Variants in ANAPC1 observed in about 807,000 individuals in gnomAD.
The protein encoded by ANAPC1 is anaphase-promoting complex subunit 1.
ANAPC1 carries 36 observed loss-of-function variants against 208.0 expected under a neutral mutation model. The observed-to-expected ratio is 0.17, with a 90% CI of 0.13 to 0.23. The LOEUF (loss-of-function observed/expected upper bound fraction) is 0.23. ANAPC1 is among the 10% of genes least tolerant of loss of function. The pLI, the probability that ANAPC1 is intolerant of heterozygous loss-of-function variation, is 1.00. For missense variants in ANAPC1, 942 were observed against 2,011.6 expected, an observed-to-expected ratio of 0.47 and a Z score of 10.17; for synonymous variants, 378 against 695.2, an observed-to-expected ratio of 0.54 and a Z score of 7.18.
In ANAPC1 at chr2:111,792,436, C is replaced by T. The variant is rs534987123; in HGVS notation, c.4638G>A (p.Thr1546=). The T allele has an allele frequency of 1.2e-5, 19 of 1,612,168 alleles. No homozygotes were observed. The highest frequency in any genetic ancestry group is 1.6e-4 in the Middle Eastern group (1 of 6,078). The change falls in exon 38 of 48, where the codon ACG becomes ACA. Residue 1546 remains threonine, a synonymous_variant. Coordinates refer to ENST00000341068, the MANE Select transcript of ANAPC1 (RefSeq NM_022662.4). ...GAAAACCATAGTTCATTTCACCACCCGTTTTCATGTGTAAGAAGCGACAAA... is the reference window on the plus strand; with the variant it reads ...GAAAACCATAGTTCATTTCACCACCTGTTTTCATGTGTAAGAAGCGACAAA... ...LQLCRFLHMK[T]GGEMNYGFHL...
intron 47 of ANAPC1, 102 bp downstream of exon 47, chr2:111,772,239 A>G: frequency 3.5e-6 from 5 of 1,422,538 alleles, no homozygotes. Flanking sequence ...TGCAACATTA[A>G]TGAAGAGGAA....
chr2:111,872,355 T>C (rs1682799100), intron 6 of ANAPC1, among the ~76,000 whole-genome samples: 2 of 152,224 alleles, frequency 1.3e-5, no homozygotes, highest in South Asian at 4.1e-4. Flanking sequence ...ATCTTTTTGA[T>C]GACAGCAACC....
intron 6 of ANAPC1, among the ~76,000 whole-genome samples, chr2:111,871,253 C>A (rs945676548): frequency 6.6e-6 from 1 of 151,972 alleles, no homozygotes; most frequent in Non-Finnish European, 1.5e-5. Flanking sequence ...ATGGTGAAAT[C>A]TATAGATTGC....
chr2:111,873,230 T>C, intron 5 of ANAPC1, 78 bp downstream of exon 5: 3 of 1,340,070 alleles, frequency 2.2e-6, no homozygotes, highest in South Asian at 3.3e-5. Context: ...ACATGAGACA[T>C]AAGACATGCC....
chr2:111,804,506 C>CTTT (rs1183612859), intron 30 of ANAPC1, among the ~76,000 whole-genome samples: 3 of 77,964 alleles, frequency 3.8e-5, no homozygotes, highest in African/African-American at 1.4e-4. Flanking sequence ...TGATTCTTTT[C>CTTT]TTTTTTTTTT....
intron 6 of ANAPC1, among the ~76,000 whole-genome samples, chr2:111,871,996 C>G (rs1221669618): frequency 6.6e-6 from 1 of 152,104 alleles, no homozygotes; most frequent in East Asian, 1.9e-4. Flanking sequence ...TTTCACTTGC[C>G]TGATTGCTCT....
intron 33 of ANAPC1, among the ~76,000 whole-genome samples, chr2:111,801,841 G>A (rs561003954): frequency 6.6e-6 from 1 of 150,912 alleles, no homozygotes; most frequent in East Asian, 2.0e-4. Flanking sequence ...AAATCACAAA[G>A]GAAAGAATCA....
chr2:111,792,059 TAGTGG>T (rs1203232272), intron 38 of ANAPC1, among the ~76,000 whole-genome samples: 2 of 152,074 alleles, frequency 1.3e-5, no homozygotes, highest in African/African-American at 2.4e-5. Context: ...GAAAGTAGCT[TAGTGG>T]AATGGTAAAA....
At chr2:111,789,180 C>T (rs914132875) in intron 38 of ANAPC1, among the ~76,000 whole-genome samples, 43 of 152,104 alleles carry the variant, frequency 2.8e-4, no homozygotes, top group Non-Finnish European at 2.2e-4. Context: ...ACAACTATTC[C>T]TCTAAATATA....
At chr2:111,863,324 C>A (rs1206202401) in intron 9 of ANAPC1, among the ~76,000 whole-genome samples, 5 of 150,412 alleles carry the variant, frequency 3.3e-5, no homozygotes, top group Admixed American at 6.7e-5. Context: ...CTGGCTAACA[C>A]GGTGAAACCC....
chr2:111,831,527 C>G (rs1378425635), intron 20 of ANAPC1, 93 bp from the exon 21 acceptor site: 1 of 1,058,832 alleles, frequency 9.4e-7, no homozygotes, highest in Non-Finnish European at 1.4e-6. Context: ...AGTTACTTGT[C>G]ATTTTGAAAC....
At chr2:111,845,701 G>T (rs535642827) in intron 16 of ANAPC1, among the ~76,000 whole-genome samples, 1 of 152,062 alleles carries the variant, frequency 6.6e-6, no homozygotes, top group African/African-American at 2.4e-5. Flanking sequence ...AGAGCCGGGC[G>T]CGGTGGCTCA....
chr2:111,769,653 A>G (rs1013128899), intron 47 of ANAPC1, among the ~76,000 whole-genome samples: 3 of 144,190 alleles, frequency 2.1e-5, no homozygotes, highest in Non-Finnish European at 3.0e-5. Context: ...AGATTTTGGA[A>G]TATCTGCATT....
intron 17 of ANAPC1, among the ~76,000 whole-genome samples, chr2:111,842,599 C>A (rs1181342611): frequency 1.3e-5 from 2 of 148,398 alleles, no homozygotes; most frequent in Admixed American, 6.8e-5. Flanking sequence ...GCTGAGATTG[C>A]GCCATTGCAC....
At chr2:111,874,352 A>G (rs1000195887) in intron 3 of ANAPC1, among the ~76,000 whole-genome samples, 4 of 152,126 alleles carry the variant, frequency 2.6e-5, no homozygotes, top group Non-Finnish European at 5.9e-5. Context: ...ACAATTTGTG[A>G]GCTTGTACAA....
In ANAPC1 at chr2:111,768,212, C is replaced by G. The variant is rs1676535665; in HGVS notation, c.*1079G>C. 2.0e-5 allele frequency: 3 copies of G among 152,150 alleles called. No individual in the cohort carries two copies. The highest frequency in any genetic ancestry group is 7.2e-5 in the African/African-American group (3 of 41,404). The allele number at this position is 152,150 out of a possible 1,614,324, so 9.4% of individuals were successfully genotyped here. A position where few individuals can be genotyped will look rare whatever the true frequency, so the allele number is the denominator to read the frequency against. Reference sequence around the variant, plus strand: ...TGTTGGCAACTCGAAGCTGGAGGTGCCTTTATATGAACATTTTTCATCATC... The same window carrying G: ...TGTTGGCAACTCGAAGCTGGAGGTGGCTTTATATGAACATTTTTCATCATC... On this transcript the variant is annotated 3_prime_UTR_variant, in exon 48 of 48. Coordinates refer to ENST00000341068, the MANE Select transcript of ANAPC1 (RefSeq NM_022662.4).
intron 22 of ANAPC1, 121 bp downstream of exon 22, chr2:111,825,656 A>G (rs1274538309): frequency 2.2e-6 from 2 of 925,162 alleles, no homozygotes; most frequent in East Asian, 2.7e-5. Context: ...ACAGACCAGA[A>G]CAGTACTAAA....
chr2:111,835,667 T>A (rs1487259025), intron 18 of ANAPC1, among the ~76,000 whole-genome samples: 4 of 149,446 alleles, frequency 2.7e-5, no homozygotes, highest in African/African-American at 9.7e-5. Context: ...TGGAACCCCA[T>A]CACTTCTAAA....
chr2:111,824,106 G>C (rs1306705739), intron 24 of ANAPC1, among the ~76,000 whole-genome samples: 2 of 150,360 alleles, frequency 1.3e-5, no homozygotes, highest in African/African-American at 2.4e-5. Context: ...GGCAAAAAAT[G>C]TTTCCTTATA....
Sources: allele counts gnomAD v4.1 joint callset (sites outside exome capture counted in the v4.1 genomes callset), GRCh38; gene constraint gnomAD v4.1.1; transcripts MANE v1.5; gene names NCBI Gene and HGNC (gene_info 2026-07-23, HGNC 2026-07-21).